Variants in MOB1B observed in about 807,000 individuals in gnomAD.
MOB1B encodes the protein MOB kinase activator 1B.
In MOB1B, 19 loss-of-function variants were observed where a neutral mutation model predicts 24.4. That is an observed-to-expected ratio of 0.78 (90% confidence interval 0.54 to 1.14). MOB1B has a LOEUF of 1.14. Ranked by LOEUF, MOB1B falls within the 50% of genes most tolerant of loss-of-function variation. The pLI, the probability that MOB1B is intolerant of heterozygous loss-of-function variation, is 0.00. For synonymous variants in MOB1B, 76 were observed against 82.1 expected, an observed-to-expected ratio of 0.93 and a Z score of 0.40; for missense variants, 243 against 259.6, an observed-to-expected ratio of 0.94 and a Z score of 0.44.
intron 1 of MOB1B, among the ~76,000 whole-genome samples, chr4:70,941,395 G>A (rs1357172994): frequency 6.6e-6 from 1 of 152,176 alleles, no homozygotes; most frequent in African/African-American, 2.4e-5. Context: ...AGGCTGGAGT[G>A]CAATGTGGTG....
chr4:70,955,268 C>T (rs1737994321), intron 1 of MOB1B, among the ~76,000 whole-genome samples: 1 of 152,058 alleles, frequency 6.6e-6, no homozygotes, highest in Admixed American at 6.6e-5. Flanking sequence ...GTACTCTTGC[C>T]AGCCATTTTC....
chr4:70,911,675 C>G (rs1327417324), intron 1 of MOB1B, among the ~76,000 whole-genome samples: 1 of 151,928 alleles, frequency 6.6e-6, no homozygotes, highest in East Asian at 1.9e-4. Context: ...TTTGTACTTT[C>G]GGAGTTTCTG....
At chr4:70,907,794 C>CA (rs1362278581) in intron 1 of MOB1B, among the ~76,000 whole-genome samples, 5 of 152,152 alleles carry the variant, frequency 3.3e-5, no homozygotes, top group Non-Finnish European at 7.4e-5. Flanking sequence ...GCCTGGGTGA[C>CA]AGAGTGAGAC....
Position 70,987,132 on chromosome 4 carries a change from C to T in MOB1B, c.*5075C>T, listed in dbSNP as rs1033700512. On this transcript the variant is annotated 3_prime_UTR_variant, in exon 6 of 6. Transcript: ENST00000309395. ...TAATTAGGCTGATTTTGCAGGTCTT[C>T]ATTGTTAGAGATTCTGAAGTATTTA... 7 of 152,008 alleles carry T rather than the reference C, an allele frequency of 4.6e-5. No individual in the cohort carries two copies. The highest frequency in any genetic ancestry group is 7.2e-5 in the African/African-American group (3 of 41,426). The allele number at this position is 152,008 out of a possible 1,614,324, so 9.4% of individuals were successfully genotyped here.
At chr4:70,906,392 C>T (rs530772030) in intron 1 of MOB1B, among the ~76,000 whole-genome samples, 1 of 152,002 alleles carries the variant, frequency 6.6e-6, no homozygotes, top group Non-Finnish European at 1.5e-5. Context: ...GAAAAAAAAT[C>T]ACTGTGCCTG....
intron 1 of MOB1B, among the ~76,000 whole-genome samples, chr4:70,938,303 C>T (rs1284316015): frequency 1.3e-5 from 1 of 75,088 alleles, no homozygotes; most frequent in Non-Finnish European, 2.3e-5. Context: ...ATGGTGTGGT[C>T]AGATTTGCCG....
chr4:70,942,253 C>T (rs1258736406), intron 1 of MOB1B, among the ~76,000 whole-genome samples: 9 of 151,940 alleles, frequency 5.9e-5, no homozygotes, highest in Non-Finnish European at 1.2e-4. Context: ...CCAATATCTT[C>T]TAGTGGTAAT....
At chr4:70,974,570 G>T (rs1002899923) in intron 3 of MOB1B, among the ~76,000 whole-genome samples, 1 of 152,088 alleles carries the variant, frequency 6.6e-6, no homozygotes, top group African/African-American at 2.4e-5. Flanking sequence ...ATCAAAGGAT[G>T]GTGGTGTTCT....
intron 1 of MOB1B, 173 bp from the exon 2 acceptor site, chr4:70,958,701 A>G (rs1399887868): frequency 1.3e-6 from 1 of 783,348 alleles, no homozygotes; most frequent in Admixed American, 1.7e-5. Context: ...TTGTGAGTTA[A>G]CTAGACACAG....
intron 3 of MOB1B, among the ~76,000 whole-genome samples, chr4:70,974,237 C>T (rs1359871449): frequency 6.6e-6 from 1 of 151,880 alleles, no homozygotes; most frequent in African/African-American, 2.4e-5. Flanking sequence ...TCACTGCAAC[C>T]TCCTCCTCCC....
intron 3 of MOB1B, among the ~76,000 whole-genome samples, chr4:70,972,062 T>A (rs1183639907): frequency 6.6e-6 from 1 of 151,758 alleles, no homozygotes; most frequent in Admixed American, 6.6e-5. Flanking sequence ...GCTAAGAAGA[T>A]GTAGTTGTTG....
chr4:70,977,594 A>G (rs1433493722), intron 4 of MOB1B, among the ~76,000 whole-genome samples: 3 of 152,238 alleles, frequency 2.0e-5, no homozygotes, highest in African/African-American at 7.2e-5. Flanking sequence ...ACAGATTAAC[A>G]TATCCATCAT....
chr4:70,928,788 A>C (rs527435024), intron 1 of MOB1B, among the ~76,000 whole-genome samples: 1 of 152,272 alleles, frequency 6.6e-6, no homozygotes, highest in African/African-American at 2.4e-5. Flanking sequence ...GGGTCTTGCT[A>C]TGTTACCTAG....
chr4:70,979,181 C>G lies in MOB1B; in HGVS notation c.463C>G (p.Leu155Val). 1.2e-6 allele frequency: 2 copies of G among 1,613,834 alleles called. No homozygotes were observed. Among genetic ancestry groups the G allele is most frequent in the Non-Finnish European group, 8.5e-7 (1 of 1,179,838 alleles). ...MSVAKTILKR[L>V]FRVYAHIYHQ... The stretch of plus-strand genomic sequence containing the variant: ...TGTGGCAAAAACTATACTCAAACGC[C>G]TCTTTAGGGTTTATGCTCACATTTA... The change falls in exon 5 of 6, where the codon CTC (leucine) becomes GTC (valine). Residue 155 changes from leucine (L) to valine (V), a missense_variant. Coordinates refer to ENST00000309395, the MANE Select transcript of MOB1B (RefSeq NM_173468.4).
At chr4:70,957,736 A>AC (rs1020676521) in intron 1 of MOB1B, among the ~76,000 whole-genome samples, 11 of 145,566 alleles carry the variant, frequency 7.6e-5, no homozygotes, top group Admixed American at 2.1e-4. Context: ...AAGTCACCAC[A>AC]CTCAGCTCCC....
At chr4:70,978,157 C>G (rs1180160787) in intron 4 of MOB1B, among the ~76,000 whole-genome samples, 3 of 152,326 alleles carry the variant, frequency 2.0e-5, no homozygotes, top group Middle Eastern at 6.8e-3. Context: ...TAAAAAAATT[C>G]CACATATAAG....
chr4:70,903,231 A>T (rs1449455316), intron 1 of MOB1B, among the ~76,000 whole-genome samples: 1 of 152,180 alleles, frequency 6.6e-6, no homozygotes, highest in African/African-American at 2.4e-5. Flanking sequence ...ATCTTTTTAG[A>T]CAACCAGCAA....
At chr4:70,912,410 G>A (rs1184971593) in intron 1 of MOB1B, among the ~76,000 whole-genome samples, 2 of 151,778 alleles carry the variant, frequency 1.3e-5, no homozygotes, top group African/African-American at 4.8e-5. Context: ...CTCCCAAGTA[G>A]CTGGGATTAC....
At chr4:70,928,443 G>A (rs926951067) in intron 1 of MOB1B, among the ~76,000 whole-genome samples, 1 of 151,652 alleles carries the variant, frequency 6.6e-6, no homozygotes, top group African/African-American at 2.4e-5. Flanking sequence ...TTACAGGCGC[G>A]TGCCACCATG....
Sources: gnomAD v4.1 joint callset for allele counts (sites outside exome capture counted in the v4.1 genomes callset) on GRCh38, gnomAD v4.1.1 for gene constraint, MANE v1.5 for transcripts, NCBI Gene and HGNC (gene_info 2026-07-23, HGNC 2026-07-21) for gene names.